The following LRIG1 variants were observed in gnomAD, a reference collection of about 807,000 sequenced individuals.
The protein encoded by LRIG1 is leucine rich repeats and immunoglobulin like domains 1.
Under a neutral mutation model 99.2 loss-of-function variants are expected in LRIG1, and 48 were observed. The ratio of observed to expected loss-of-function variants is 0.48; its 90% CI spans 0.38 to 0.62. LRIG1 has a LOEUF of 0.62. LRIG1 is among the 20% of genes least tolerant of loss of function. The probability of loss-of-function intolerance (pLI) is 0.00; values close to 1 mark genes in which losing one functional copy is unlikely to be tolerated. For missense variants in LRIG1, 1,646 were observed against 1,434.4 expected (o/e 1.15, Z -2.38); for synonymous variants, 772 against 596.1 (o/e 1.29, Z -4.30).
Position 66,386,131 on chromosome 3 carries a change from G to A in LRIG1, c.1639C>T (p.His547Tyr), listed in dbSNP as rs1464057164. The A allele has an allele frequency of 1.2e-6, 2 of 1,614,136 alleles. No homozygotes were observed. The highest frequency in any genetic ancestry group is 2.2e-5 in the East Asian group (1 of 44,866). Residue 547 changes from histidine (H) to tyrosine (Y), a missense_variant, in exon 13 of 19, where the codon CAC becomes TAC. Transcript: ENST00000273261. ...ACTTCCCCGTCCTGCGCGTGGACGT[G>A]GACAAAGTTCTCCATGTCTGCATTG... ...LTNADMENFV[H>Y]VHAQDGEVME...
Position 66,395,989 on chromosome 3 carries a change from T to C in LRIG1, c.1305-1786A>G, listed in dbSNP as rs1343371868. ...CATTTGTGCAGGACACAAGGACATA[T>C]TCCATTTGAACCACAGGAACAAACG... On this transcript the variant is annotated intron_variant, in intron 11 of 18. Coordinates refer to ENST00000273261, the MANE Select transcript of LRIG1 (RefSeq NM_015541.3). Among the ~76,000 whole-genome samples the C allele has an allele frequency of 3.3e-5, 5 of 152,246 alleles. No individual in the cohort carries two copies. The East Asian group carries it at 7.7e-4, about 23-fold the overall frequency.
chr3:66,429,202 C>T (rs1426423770), intron 3 of LRIG1, among the ~76,000 whole-genome samples: 1 of 152,200 alleles, frequency 6.6e-6, no homozygotes, highest in Non-Finnish European at 1.5e-5. Context: ...ACCCCAGGGA[C>T]CTTGCTACAG....
chr3:66,405,641 C>T (rs1702240455), intron 8 of LRIG1: 3 of 900,096 alleles, frequency 3.3e-6, no homozygotes, highest in South Asian at 4.5e-5. Flanking sequence ...TTAAGGCTCC[C>T]GTCTGCTCTC....
At chr3:66,428,278 G>C (rs1041461485) in intron 3 of LRIG1, among the ~76,000 whole-genome samples, 1 of 152,098 alleles carries the variant, frequency 6.6e-6, no homozygotes, top group Non-Finnish European at 1.5e-5. Context: ...AAAACCATTA[G>C]CTCCAAGTGC....
intron 11 of LRIG1, among the ~76,000 whole-genome samples, chr3:66,395,479 A>C (rs1356721058): frequency 6.6e-6 from 1 of 152,220 alleles, no homozygotes; most frequent in African/African-American, 2.4e-5. Flanking sequence ...CATCACCCCT[A>C]GATGAGTTGG....
intron 1 of LRIG1, among the ~76,000 whole-genome samples, chr3:66,463,921 C>T (rs1700412869): frequency 6.6e-6 from 1 of 152,164 alleles, no homozygotes; most frequent in African/African-American, 2.4e-5. Flanking sequence ...ATGGGTACAG[C>T]CTGAATTAAA....
chr3:66,453,249 G>A (rs376010596), intron 2 of LRIG1, among the ~76,000 whole-genome samples: 74 of 152,306 alleles, frequency 4.9e-4, no homozygotes, highest in Non-Finnish European at 7.9e-4. Flanking sequence ...CATTGCTTGC[G>A]ATTTCTTCTC....
chr3:66,407,380 A>G lies in LRIG1; in HGVS notation c.1047T>C (p.Gly349=). The change falls in exon 8 of 19, where the codon GGT becomes GGC. Residue 349 remains glycine (G), a synonymous_variant. Coordinates refer to ENST00000273261, the MANE Select transcript of LRIG1 (RefSeq NM_015541.3). ...GCAGGCTCCTGAGTCCCTTGAAGGC[A>G]CCCTCCGCAATGTGGCTGATGGAAT... ...SHNSISHIAE[G]AFKGLRSLRV... 1 of 1,613,776 alleles carries G rather than the reference A, an allele frequency of 6.2e-7. No homozygotes were observed. The highest frequency in any genetic ancestry group is 8.5e-7 in the Non-Finnish European group (1 of 1,179,986).
chr3:66,387,349 G>GGCT lies in LRIG1; in HGVS notation c.1469-1051_1469-1049dup. The GGCT allele has an allele frequency of 1.3e-5, 2 of 152,178 alleles. 1 individual carries two copies. The allele number at this position is 152,178 out of a possible 1,614,324, so 9.4% of individuals were successfully genotyped here. A position where few individuals can be genotyped will look rare whatever the true frequency, so the allele number is the denominator to read the frequency against. On this transcript the variant is annotated intron_variant, in intron 12 of 18. Coordinates refer to ENST00000273261, the MANE Select transcript of LRIG1 (RefSeq NM_015541.3). The stretch of plus-strand genomic sequence containing the variant: ...GAGGGGGTCCTCATTTGTCACCTGT[G>GGCT]GCTGAGCATGACTGTCTACACAAAT...
At chr3:66,443,660 C>T (rs1209145288) in intron 3 of LRIG1, among the ~76,000 whole-genome samples, 1 of 152,194 alleles carries the variant, frequency 6.6e-6, no homozygotes, top group East Asian at 1.9e-4. Context: ...TCTGTTCACC[C>T]ATCTTCCTCT....
chr3:66,391,733 TTATA>T (rs893061756), intron 12 of LRIG1, among the ~76,000 whole-genome samples: 1 of 152,206 alleles, frequency 6.6e-6, no homozygotes, highest in Non-Finnish European at 1.5e-5. Context: ...AACCATCAAT[TTATA>T]TATTTTAAAG....
rs904949504 is a variant in LRIG1, at chr3:66,379,440, TAA to T, written c.*821_*822del. 24 of 152,156 alleles carry T rather than the reference TAA, an allele frequency of 1.6e-4. No homozygotes were observed. Among genetic ancestry groups the T allele is most frequent in the African/African-American group, 5.5e-4 (23 of 41,452 alleles). 9.4% of individuals were successfully genotyped at this position (152,156 alleles called of 1,614,324 possible). A position where few individuals can be genotyped will look rare whatever the true frequency, so the allele number is the denominator to read the frequency against. On this transcript the variant is annotated 3_prime_UTR_variant, in exon 19 of 19. Coordinates refer to ENST00000273261, the MANE Select transcript of LRIG1 (RefSeq NM_015541.3). ...AACACCAGCAGCCTTTACCTTAATT[TAA>T]AAGTCTCAAATAGCAATCGAATGAT...
intron 1 of LRIG1, among the ~76,000 whole-genome samples, chr3:66,471,267 C>T (rs1487993734): frequency 1.3e-5 from 2 of 152,188 alleles, no homozygotes; most frequent in Non-Finnish European, 2.9e-5. Context: ...CATTCAGGAT[C>T]GCCTATTCTC....
intron 2 of LRIG1, among the ~76,000 whole-genome samples, chr3:66,461,252 C>A (rs1242495712): frequency 6.6e-6 from 1 of 152,132 alleles, no homozygotes; most frequent in African/African-American, 2.4e-5. Flanking sequence ...TTACAGTGAG[C>A]TGAGATCACG....
intron 11 of LRIG1, 72 bp from the exon 12 acceptor site, chr3:66,394,275 G>A (rs780248289): frequency 5.4e-6 from 7 of 1,295,798 alleles, no homozygotes; most frequent in Admixed American, 5.5e-5. Flanking sequence ...CACACACAAT[G>A]ATCAGTCGCC....
At chr3:66,434,576 G>C (rs145984169) in intron 3 of LRIG1, among the ~76,000 whole-genome samples, 254 of 151,958 alleles carry the variant, frequency 1.7e-3, no homozygotes, top group African/African-American at 5.8e-3. Flanking sequence ...GCGAAACCCT[G>C]TCTCTACTAA....
chr3:66,417,966 T>C (rs949917778), intron 3 of LRIG1, among the ~76,000 whole-genome samples: 1 of 152,154 alleles, frequency 6.6e-6, no homozygotes, highest in Non-Finnish European at 1.5e-5. Context: ...ACCCATCACT[T>C]CAGGGATAGG....
At chr3:66,481,710 C>A (rs1054386000) in intron 1 of LRIG1, among the ~76,000 whole-genome samples, 10 of 152,220 alleles carry the variant, frequency 6.6e-5, no homozygotes, top group Admixed American at 2.6e-4. Context: ...AAAACCTTTA[C>A]AGGAAGTAGT....
At chr3:66,446,637 C>T (rs1278955861) in intron 3 of LRIG1, among the ~76,000 whole-genome samples, 1 of 151,966 alleles carries the variant, frequency 6.6e-6, no homozygotes, top group East Asian at 1.9e-4. Flanking sequence ...AACTCCTGAC[C>T]TCAGGTGATC....
Sources: gnomAD v4.1 joint callset for allele counts (sites outside exome capture counted in the v4.1 genomes callset) on GRCh38, gnomAD v4.1.1 for gene constraint, MANE v1.5 for transcripts, NCBI Gene and HGNC (gene_info 2026-07-23, HGNC 2026-07-21) for gene names.